Variants in RBM47 observed in about 807,000 individuals in gnomAD.
RBM47 encodes the protein RNA binding motif protein 47.
RBM47 carries 21 observed loss-of-function variants against 47.1 expected under a neutral mutation model. The ratio of observed to expected loss-of-function variants is 0.45; its 90% CI spans 0.32 to 0.64. RBM47 has a LOEUF of 0.64. Ranked by LOEUF, RBM47 falls within the 30% of genes least tolerant of loss-of-function variation. RBM47 has a pLI of 0.05. For synonymous variants in RBM47, 375 were observed against 361.7 expected (o/e 1.04, Z -0.42); for missense variants, 708 against 870.9 (o/e 0.81, Z 2.35).
rs573296034 is a variant in RBM47, at chr4:40,489,645, G to C, written c.-154-22946C>G. Among the ~76,000 whole-genome samples, 37 of 152,282 alleles carry C rather than the reference G, an allele frequency of 2.4e-4. No homozygotes were observed. The South Asian group carries it at 6.4e-3, about 26-fold the overall frequency. On this transcript the variant is annotated intron_variant, in intron 2 of 6. Transcript: ENST00000295971. ...CAAGAAGAAATAGAATATCTGAATA[G>C]ACTTATAAGTAAATACACTGAATTT...
chr4:40,526,279 G>A (rs113089205), intron 2 of RBM47, among the ~76,000 whole-genome samples: 1,839 of 152,250 alleles, frequency 0.012, 48 homozygotes, highest in African/African-American at 0.042. Context: ...TGATCAAGCC[G>A]AGGGTCCCCA....
chr4:40,538,782 C>T (rs1728225032), intron 2 of RBM47, among the ~76,000 whole-genome samples: 1 of 151,934 alleles, frequency 6.6e-6, no homozygotes, highest in Non-Finnish European at 1.5e-5. Context: ...TACAGATGTG[C>T]ACCACAACAC....
intron 1 of RBM47, among the ~76,000 whole-genome samples, chr4:40,590,769 G>A (rs1475574128): frequency 6.6e-6 from 1 of 152,202 alleles, no homozygotes; most frequent in African/African-American, 2.4e-5. Context: ...ATCATGTTAA[G>A]TGAAAGAAGC....
intron 1 of RBM47, among the ~76,000 whole-genome samples, chr4:40,549,838 G>A (rs1323569559): frequency 2.0e-5 from 3 of 152,064 alleles, no homozygotes; most frequent in Non-Finnish European, 1.5e-5. Context: ...GTGCCACCAC[G>A]CCTGGCTAAT....
intron 2 of RBM47, among the ~76,000 whole-genome samples, chr4:40,540,799 G>T (rs1244876924): frequency 1.3e-5 from 2 of 148,208 alleles, no homozygotes; most frequent in Non-Finnish European, 3.0e-5. Context: ...TATTTATTTG[G>T]TTTTTTTAAT....
At chr4:40,555,109 G>C (rs1729951247) in intron 1 of RBM47, among the ~76,000 whole-genome samples, 1 of 152,078 alleles carries the variant, frequency 6.6e-6, no homozygotes, top group South Asian at 2.1e-4. Flanking sequence ...TTAATTTTTT[G>C]TATTTTTACT....
At chr4:40,463,529 A>G (rs1421725765) in intron 3 of RBM47, among the ~76,000 whole-genome samples, 2 of 152,174 alleles carry the variant, frequency 1.3e-5, no homozygotes, top group Non-Finnish European at 2.9e-5. Flanking sequence ...CTCCTGATGC[A>G]CAGTGCAAGA....
intron 2 of RBM47, among the ~76,000 whole-genome samples, chr4:40,477,994 G>A (rs936114620): frequency 1.3e-4 from 19 of 145,874 alleles, no homozygotes; most frequent in African/African-American, 3.8e-4. Context: ...TGCCACATGA[G>A]CCATGTGGCA....
chr4:40,513,550 T>A (rs1356017377), intron 2 of RBM47, among the ~76,000 whole-genome samples: 1 of 152,200 alleles, frequency 6.6e-6, no homozygotes, highest in Non-Finnish European at 1.5e-5. Context: ...AGCTTTATTA[T>A]ATTTTCTACC....
At chr4:40,432,184 T>TTC (rs1227818818) in intron 6 of RBM47, among the ~76,000 whole-genome samples, 2 of 146,740 alleles carry the variant, frequency 1.4e-5, no homozygotes, top group Non-Finnish European at 3.0e-5. Flanking sequence ...CAGATGTTCT[T>TTC]TCTCTCTCTC....
intron 2 of RBM47, among the ~76,000 whole-genome samples, chr4:40,522,167 T>A (rs774507934): frequency 3.3e-5 from 5 of 152,024 alleles, no homozygotes; most frequent in Non-Finnish European, 7.4e-5. Context: ...AGCATGAAAA[T>A]TTCCTTTTTA....
At chr4:40,581,356 C>T (rs1011663996) in intron 1 of RBM47, among the ~76,000 whole-genome samples, 14 of 151,360 alleles carry the variant, frequency 9.2e-5, no homozygotes, top group Non-Finnish European at 1.6e-4. Context: ...CGGGAAGCAG[C>T]GGTTGCAGTG....
At chr4:40,471,006 G>A (rs1158196964) in intron 2 of RBM47, among the ~76,000 whole-genome samples, 1 of 152,208 alleles carries the variant, frequency 6.6e-6, no homozygotes, top group African/African-American at 2.4e-5. Flanking sequence ...GCCTCCCAAA[G>A]TGCTGGGATT....
chr4:40,545,666 A>AAAATAAATAAATAAATAAAT lies in RBM47; in HGVS notation c.-239-1180_-239-1161dup, dbSNP rs150331418. Reference sequence around the variant, plus strand: ...GCAACAAGAGCAAGGCTCCTTCTCAAAAATAAATAAATAAATAAATAAATA... The same window carrying AAAATAAATAAATAAATAAAT: ...GCAACAAGAGCAAGGCTCCTTCTCAAAAATAAATAAATAAATAAATAAATAAATAAATAAATAAATAAATA... On this transcript the variant is annotated intron_variant, in intron 1 of 6. Coordinates refer to ENST00000295971, the MANE Select transcript of RBM47 (RefSeq NM_001098634.2). Among the ~76,000 whole-genome samples the AAAATAAATAAATAAATAAAT allele has an allele frequency of 5.6e-3, 754 of 133,510 alleles. 5 individuals carry two copies. Among genetic ancestry groups the AAAATAAATAAATAAATAAAT allele is most frequent in the African/African-American group, 7.7e-3 (278 of 36,198 alleles). 87.6% of individuals were successfully genotyped at this position (133,510 alleles called of 152,430 possible).
chr4:40,545,273 G>A (rs574357964), intron 1 of RBM47, among the ~76,000 whole-genome samples: 3 of 149,816 alleles, frequency 2.0e-5, no homozygotes, highest in African/African-American at 4.9e-5. Context: ...GGCTGGTCTC[G>A]AACTCCTGAC....
chr4:40,595,358 G>T (rs899360981), intron 1 of RBM47, among the ~76,000 whole-genome samples: 1 of 152,086 alleles, frequency 6.6e-6, no homozygotes, highest in Non-Finnish European at 1.5e-5. Context: ...GCCAGGCTTG[G>T]TGGCAGGTGC....
At chr4:40,581,434 TAATAAATAAATA>T (rs375591976) in intron 1 of RBM47, among the ~76,000 whole-genome samples, 16 of 139,042 alleles carry the variant, frequency 1.2e-4, no homozygotes, top group South Asian at 2.3e-4. Flanking sequence ...AAAAAAGTAA[TAATAAATAAATA>T]AATAAATAAA....
chr4:40,600,416 C>T (rs564609494), intron 1 of RBM47, among the ~76,000 whole-genome samples: 34 of 150,756 alleles, frequency 2.3e-4, no homozygotes, highest in Admixed American at 1.1e-3. Flanking sequence ...GGGCGGATCA[C>T]GAGGTCAGGA....
At chr4:40,595,293 G>A (rs530290758) in intron 1 of RBM47, among the ~76,000 whole-genome samples, 21 of 151,764 alleles carry the variant, frequency 1.4e-4, no homozygotes, top group African/African-American at 4.6e-4. Context: ...TCATGAGTTC[G>A]AGACCAGCCT....
Sources: gnomAD v4.1 joint callset for allele counts (sites outside exome capture counted in the v4.1 genomes callset) on GRCh38, gnomAD v4.1.1 for gene constraint, MANE v1.5 for transcripts, NCBI Gene and HGNC (gene_info 2026-07-23, HGNC 2026-07-21) for gene names.